The following SAG variants were observed in gnomAD, a reference collection of about 807,000 sequenced individuals.
The protein encoded by SAG is S-arrestin.
Under a neutral mutation model 55.0 loss-of-function variants are expected in SAG, and 45 were observed. The ratio of observed to expected loss-of-function variants is 0.82; its 90% CI spans 0.64 to 1.05. The LOEUF (loss-of-function observed/expected upper bound fraction) is 1.05, where lower values mean the gene tolerates loss of function less well. Among genes scored for constraint, SAG ranks in the 50% least tolerant of loss-of-function variants. The pLI is 0.00. For missense variants in SAG, 455 were observed against 512.1 expected, an observed-to-expected ratio of 0.89 and a Z score of 1.08; for synonymous variants, 189 against 197.4, an observed-to-expected ratio of 0.96 and a Z score of 0.36.
intron 9 of SAG, chr2:233,331,429 A>T (rs1700759125): frequency 6.5e-6 from 4 of 611,144 alleles, no homozygotes; most frequent in African/African-American, 1.9e-5. Flanking sequence ...GGGAGTTGAT[A>T]CAGAGCAGGT....
Position 233,334,972 on chromosome 2 carries a change from C to T in SAG, c.817C>T (p.Pro273Ser), listed in dbSNP as rs2125343964. 3.1e-6 allele frequency: 5 copies of T among 1,613,800 alleles called. No individual in the cohort carries two copies. Among genetic ancestry groups the T allele is most frequent in the East Asian group, 2.2e-5 (1 of 44,894 alleles). The change falls in exon 11 of 16, where the codon CCA becomes TCA. Residue 273 changes from proline to serine, a missense_variant. Coordinates refer to ENST00000409110, the MANE Select transcript of SAG (RefSeq NM_000541.5). Reference sequence around the variant, plus strand: ...TTCTTCTTCCTCTAGAGAAAAAGTGCCACCAAACAGCACTTTGACCAAGAC... The same window carrying T: ...TTCTTCTTCCTCTAGAGAAAAAGTGTCACCAAACAGCACTTTGACCAAGAC... ...VAMEEAQEKV[P>S]PNSTLTKTLT...
intron 5 of SAG, among the ~76,000 whole-genome samples, chr2:233,322,413 C>T (rs901639411): frequency 6.6e-6 from 1 of 152,142 alleles, no homozygotes; most frequent in African/African-American, 2.4e-5. Flanking sequence ...ACAATGCTTT[C>T]TGAAAAGGGC....
intron 11 of SAG, among the ~76,000 whole-genome samples, chr2:233,337,015 G>A (rs1369704221): frequency 6.6e-6 from 1 of 151,938 alleles, no homozygotes; most frequent in Non-Finnish European, 1.5e-5. Flanking sequence ...AGGATAGCTT[G>A]AGCCCAGGAG....
rs1700328398 is a variant in SAG at position 233,319,887 on chromosome 2, T to G, written c.182-743T>G. 1 of 985,722 alleles carries G rather than the reference T, an allele frequency of 1.0e-6. No homozygotes were observed. Among genetic ancestry groups the G allele is most frequent in the Non-Finnish European group, 1.2e-6 (1 of 829,946 alleles). The allele number at this position is 985,722 out of a possible 1,614,324, so 61.1% of individuals were successfully genotyped here. On this transcript the variant is annotated intron_variant, in intron 4 of 15. Coordinates refer to ENST00000409110, the MANE Select transcript of SAG (RefSeq NM_000541.5). This position sits in a 1 kb window ranked among gnomAD's most constrained non-coding sequence, Gnocchi z 4.4. ...TACCTTTGGGGCTTGCAGGCAAAATTCTCAACCAACAGCTACCACGCACTT... is the reference window on the plus strand; with the variant it reads ...TACCTTTGGGGCTTGCAGGCAAAATGCTCAACCAACAGCTACCACGCACTT...
At chr2:233,327,494 G>C (rs1700601775) in intron 7 of SAG, 1 of 287,268 alleles carries the variant, frequency 3.5e-6, no homozygotes, top group Non-Finnish European at 6.6e-6. Context: ...TTTGTTTTTT[G>C]TGGTAAAATG....
At chr2:233,342,762 A>ATT (rs199512697) in intron 14 of SAG, 44 of 155,558 alleles carry the variant, frequency 2.8e-4, no homozygotes, top group South Asian at 1.2e-3. Context: ...AAAGAAGATA[A>ATT]TTTTTTTTTT....
intron 2 of SAG, among the ~76,000 whole-genome samples, chr2:233,310,652 A>G (rs555105268): frequency 1.4e-3 from 218 of 152,056 alleles, no homozygotes; most frequent in African/African-American, 5.2e-3. Context: ...GACTACAGGC[A>G]TGTGCCACCG....
intron 8 of SAG, 163 bp downstream of exon 8, chr2:233,328,776 C>G (rs1485176309): frequency 8.3e-6 from 6 of 725,174 alleles, no homozygotes; most frequent in Non-Finnish European, 1.3e-5. Flanking sequence ...CCTGTTTTCA[C>G]AGCCTGGAGC....
At chr2:233,335,462 G>T (rs1018437588) in intron 11 of SAG, among the ~76,000 whole-genome samples, 1 of 152,236 alleles carries the variant, frequency 6.6e-6, no homozygotes, top group African/African-American at 2.4e-5. Flanking sequence ...TCCATGTGAA[G>T]CGTGGGGCCT....
intron 13 of SAG, 84 bp from the exon 14 acceptor site, chr2:233,342,187 A>G: frequency 9.7e-7 from 1 of 1,028,436 alleles, no homozygotes; most frequent in Non-Finnish European, 1.5e-6. Flanking sequence ...ATCTTTTGTG[A>G]CTCTCCGCAG....
At chr2:233,334,848 C>T in intron 10 of SAG, 114 bp from the exon 11 acceptor site, 1 of 1,280,476 alleles carries the variant, frequency 7.8e-7, no homozygotes, top group Non-Finnish European at 1.1e-6. Context: ...CCCACCTTCC[C>T]AGGAGGTCCA....
rs1236987811 is a variant in SAG, at chr2:233,319,906, C to T, written c.182-724C>T. ...CAAAATTCTCAACCAACAGCTACCACGCACTTGGCGGGGCCGCCTCTCGTG... is the reference window on the plus strand; with the variant it reads ...CAAAATTCTCAACCAACAGCTACCATGCACTTGGCGGGGCCGCCTCTCGTG... On this transcript the variant is annotated intron_variant, in intron 4 of 15. Transcript: ENST00000409110. The surrounding 1 kb of genome is among the most constrained non-coding windows in gnomAD (Gnocchi z 4.4). 8.1e-6 allele frequency: 8 copies of T among 985,520 alleles called. No individual in the cohort carries two copies. The highest frequency in any genetic ancestry group is 9.6e-6 in the Non-Finnish European group (8 of 829,940). The allele number at this position is 985,520 out of a possible 1,614,324, so 61.0% of individuals were successfully genotyped here.
chr2:233,336,583 G>T (rs1235216499), intron 11 of SAG, among the ~76,000 whole-genome samples: 1 of 151,522 alleles, frequency 6.6e-6, no homozygotes, highest in Non-Finnish European at 1.5e-5. Flanking sequence ...CATGAGGAAG[G>T]TATATTTATA....
chr2:233,328,906 G>A (rs1340109470), intron 8 of SAG: 6 of 372,952 alleles, frequency 1.6e-5, no homozygotes, highest in Non-Finnish European at 2.4e-5. Context: ...AGCTGTCCTT[G>A]TCCTGTCCAC....
intron 2 of SAG, among the ~76,000 whole-genome samples, chr2:233,313,715 CTTTTTTTTTTTT>C (rs58355307): frequency 1.9e-4 from 15 of 78,942 alleles, no homozygotes; most frequent in African/African-American, 4.3e-4. Flanking sequence ...CCGGGCTAAT[CTTTTTTTTTTTT>C]TTTTTTTTTT....
rs117935654 is a variant in SAG, at chr2:233,334,806, C to A, written c.807-156C>A. 5.2e-6 allele frequency: 4 copies of A among 764,402 alleles called. No homozygotes were observed. The East Asian group carries it at 7.5e-5, about 14-fold the overall frequency. 47.4% of individuals were successfully genotyped at this position (764,402 alleles called of 1,614,324 possible). A position where few individuals can be genotyped will look rare whatever the true frequency, so the allele number is the denominator to read the frequency against. ...CTGAGATTTCACAAGCACTGTTCTG[C>A]TTCTCGTAAGTCAAGTTCCCAGGCT... On this transcript the variant is annotated intron_variant, in intron 10 of 15. Transcript: ENST00000409110.
In SAG at chr2:233,316,058, A is replaced by G. The variant is rs1178952167; in HGVS notation, c.76-17A>G. On this transcript the variant is annotated splice_polypyrimidine_tract_variant and intron_variant, in intron 2 of 15. Coordinates refer to ENST00000409110, the MANE Select transcript of SAG (RefSeq NM_000541.5). ...AGCATTCTTTGGCCCTTAGACCCACACCTGTTCTTCTTGCAGGTGACCATC... is the reference window on the plus strand; with the variant it reads ...AGCATTCTTTGGCCCTTAGACCCACGCCTGTTCTTCTTGCAGGTGACCATC... 5.2e-6 allele frequency: 8 copies of G among 1,540,680 alleles called. No homozygotes were observed. The Admixed American group carries it at 1.2e-4, about 24-fold the overall frequency.
At chr2:233,322,695 A>G (rs1396985704) in intron 5 of SAG, among the ~76,000 whole-genome samples, 1 of 152,144 alleles carries the variant, frequency 6.6e-6, no homozygotes, top group East Asian at 1.9e-4. Flanking sequence ...CAGCTACTCC[A>G]CTGCACTCCA....
intron 14 of SAG, chr2:233,342,838 A>G (rs1038708169): frequency 6.3e-6 from 1 of 157,906 alleles, no homozygotes; most frequent in African/African-American, 2.4e-5. Flanking sequence ...AGCTTACTAC[A>G]GCCTCAACCT....
Sources: allele counts gnomAD v4.1 joint callset (sites outside exome capture counted in the v4.1 genomes callset), GRCh38; gene constraint gnomAD v4.1.1; non-coding constraint Gnocchi (gnomAD v3.1); transcripts MANE v1.5; gene names NCBI Gene and HGNC (gene_info 2026-07-23, HGNC 2026-07-21).